The following NCOR2 variants were observed in gnomAD, a reference collection of about 807,000 sequenced individuals.
NCOR2 encodes the protein nuclear receptor corepressor 2.
Under a neutral mutation model 262.9 loss-of-function variants are expected in NCOR2, and 81 were observed. That is an observed-to-expected ratio of 0.31 (90% confidence interval 0.26 to 0.37). NCOR2 has a LOEUF of 0.37. Ranked by LOEUF, NCOR2 falls within the 10% of genes least tolerant of loss-of-function variation. The pLI is 1.00. For missense variants in NCOR2, 3,385 were observed against 3,621.4 expected (o/e 0.93, Z 1.68); for synonymous variants, 1,659 against 1,559.3 (o/e 1.06, Z -1.51).
chr12:124,342,794 T>C (rs1045437146), intron 33 of NCOR2, among the ~76,000 whole-genome samples: 5 of 152,366 alleles, frequency 3.3e-5, no homozygotes, highest in African/African-American at 1.2e-4. Flanking sequence ...CTGAAATGTT[T>C]AACCCCACAT....
chr12:124,542,446 G>C (rs1002550717), intron 1 of NCOR2: 1 of 152,462 alleles, frequency 6.6e-6, no homozygotes, highest in Non-Finnish European at 1.5e-5. Context: ...AGATGGGCGA[G>C]GTGGGCGACA....
intron 13 of NCOR2, among the ~76,000 whole-genome samples, chr12:124,409,469 C>T (rs2042448295): frequency 6.6e-6 from 1 of 152,240 alleles, no homozygotes; most frequent in South Asian, 2.1e-4. Context: ...GGCCAGCTCC[C>T]TATAAAAGCT....
At chr12:124,327,118 A>C (rs1335972520) in intron 45 of NCOR2, among the ~76,000 whole-genome samples, 1 of 152,022 alleles carries the variant, frequency 6.6e-6, no homozygotes, top group Non-Finnish European at 1.5e-5. Flanking sequence ...CGCAGGGAGG[A>C]AGGCGGGAGG....
At chr12:124,358,180 A>C (rs1271156442) in intron 22 of NCOR2, among the ~76,000 whole-genome samples, 9 of 135,390 alleles carry the variant, frequency 6.6e-5, no homozygotes, top group Non-Finnish European at 7.7e-5. Context: ...ATGTTGAAGG[A>C]GATAACCTGT....
chr12:124,566,666 C>T lies in NCOR2; in HGVS notation c.-165+642G>A, dbSNP rs1396131905. On this transcript the variant is annotated intron_variant, in intron 1 of 32. Coordinates refer to the NCOR2 transcript ENST00000458234. The surrounding 1 kb of genome is among the most constrained non-coding windows in gnomAD (Gnocchi z 4.3). ...CCCGGGGGAGGGACTAGGAGGCGGC[C>T]CAATGAGGCGTCACCAGCCACGGGA... Among the ~76,000 whole-genome samples the T allele has an allele frequency of 6.6e-6, 1 of 152,228 alleles. No homozygotes were observed. Among genetic ancestry groups the T allele is most frequent in the African/African-American group, 2.4e-5 (1 of 41,470 alleles).
At chr12:124,333,977 T>C (rs1272537885) in intron 41 of NCOR2, among the ~76,000 whole-genome samples, 1 of 150,488 alleles carries the variant, frequency 6.6e-6, no homozygotes, top group Non-Finnish European at 1.5e-5. Flanking sequence ...GGTGCGCATG[T>C]GTGCGGGTGT....
In NCOR2 at chr12:124,338,505, C is replaced by CAAA. The variant is rs575208388; in HGVS notation, c.5688-1328_5688-1326dup. 6.4e-3 allele frequency among the ~76,000 whole-genome samples: 563 copies of CAAA among 87,706 alleles called. 5 individuals carry two copies. The highest frequency in any genetic ancestry group is 0.021 in the African/African-American group (464 of 22,462). The allele number at this position is 87,706 out of a possible 152,430, so 57.5% of individuals were successfully genotyped here. On this transcript the variant is annotated intron_variant, in intron 37 of 46. Coordinates refer to ENST00000405201, the Ensembl canonical transcript of NCOR2. ...CCTGGGCGACAGAGTACAACTCCAT[C>CAAA]AAAAAAAAAAAAAAAAAAAGGTTCC...
intron 1 of NCOR2, among the ~76,000 whole-genome samples, chr12:124,552,912 T>G (rs1434389588): frequency 2.6e-5 from 4 of 152,196 alleles, no homozygotes; most frequent in Non-Finnish European, 5.9e-5. Context: ...CTTGAACTCC[T>G]GGCCTCAAGC....
chr12:124,346,210 T>C (rs542239846), intron 31 of NCOR2, among the ~76,000 whole-genome samples: 15 of 152,306 alleles, frequency 9.8e-5, no homozygotes, highest in Admixed American at 2.0e-4. Flanking sequence ...AATGAACGCA[T>C]GCAACATCCT....
At chr12:124,449,688 A>C (rs1593594384) in intron 7 of NCOR2, 127 bp downstream of exon 9, 1 of 1,018,096 alleles carries the variant, frequency 9.8e-7, no homozygotes. Flanking sequence ...CTCCGGGAGC[A>C]CCTGGCCCTG....
At chr12:124,362,392 G>A in intron 21 of NCOR2, 95 bp from the exon 24 acceptor site, 1 of 1,141,968 alleles carries the variant, frequency 8.8e-7, no homozygotes, top group Non-Finnish European at 1.2e-6. Flanking sequence ...GGAAACCAAG[G>A]CCCGGGAAAG....
intron 17 of NCOR2, among the ~76,000 whole-genome samples, chr12:124,385,126 T>G (rs551537197): frequency 1.1e-4 from 16 of 152,020 alleles, no homozygotes; most frequent in South Asian, 8.3e-4. Context: ...GAAACAGCTG[T>G]GGAAGAAGCG....
chr12:124,403,770 C>T (rs1343338790), intron 13 of NCOR2, among the ~76,000 whole-genome samples: 2 of 152,212 alleles, frequency 1.3e-5, no homozygotes, highest in Non-Finnish European at 2.9e-5. Flanking sequence ...CCGCACACAA[C>T]GCTCTCTCCA....
At chr12:124,511,641 G>A (rs1375765542) in intron 1 of NCOR2, among the ~76,000 whole-genome samples, 6 of 152,194 alleles carry the variant, frequency 3.9e-5, no homozygotes, top group African/African-American at 4.8e-5. Flanking sequence ...CTAGGGCCTT[G>A]TGGATTTGGT....
At chr12:124,417,571 G>A (rs1361958730) in intron 13 of NCOR2, among the ~76,000 whole-genome samples, 1 of 152,166 alleles carries the variant, frequency 6.6e-6, no homozygotes, top group Non-Finnish European at 1.5e-5. Context: ...GCAAGAGAAT[G>A]AGCATACAGT....
At chr12:124,355,787 T>G (rs2037902524) in intron 23 of NCOR2, among the ~76,000 whole-genome samples, 1 of 152,148 alleles carries the variant, frequency 6.6e-6, no homozygotes, top group Non-Finnish European at 1.5e-5. Flanking sequence ...CCTCACCCAC[T>G]GCCCAGGCCC....
chr12:124,345,405 C>A (rs1237693556), intron 31 of NCOR2, among the ~76,000 whole-genome samples: 1 of 152,164 alleles, frequency 6.6e-6, no homozygotes, highest in African/African-American at 2.4e-5. Flanking sequence ...CCCAGGGACA[C>A]TGAGGTCAGG....
intron 1 of NCOR2, 46 bp from the exon 4 acceptor site, chr12:124,486,614 A>C: frequency 1.3e-6 from 2 of 1,531,068 alleles, no homozygotes; most frequent in Non-Finnish European, 1.8e-6. Flanking sequence ...GGGCACGGGC[A>C]TGGCGGGGCA....
intron 20 of NCOR2, among the ~76,000 whole-genome samples, chr12:124,369,658 G>A (rs565711765): frequency 6.6e-6 from 1 of 152,268 alleles, no homozygotes; most frequent in South Asian, 2.1e-4. Flanking sequence ...TTCACTGAGA[G>A]GGCAAAGCAG....
Sources: allele counts gnomAD v4.1 joint callset (sites outside exome capture counted in the v4.1 genomes callset), GRCh38; gene constraint gnomAD v4.1.1; non-coding constraint Gnocchi (gnomAD v3.1); transcripts MANE v1.5; gene names NCBI Gene and HGNC (gene_info 2026-07-23, HGNC 2026-07-21).